Variants in MAB21L3 observed in about 807,000 individuals in gnomAD.
MAB21L3 encodes the protein mab-21 like 3.
In MAB21L3, 36 loss-of-function variants were observed where a neutral mutation model predicts 37.7. That is an observed-to-expected ratio of 0.96 (90% CI 0.73 to 1.26). The LOEUF (loss-of-function observed/expected upper bound fraction) is 1.26. MAB21L3 is among the 50% of genes most tolerant of loss of function. The probability of loss-of-function intolerance (pLI) is 0.00; values close to 1 mark genes in which losing one functional copy is unlikely to be tolerated. For synonymous variants in MAB21L3, 186 were observed against 176.8 expected (o/e 1.05, Z -0.41); for missense variants, 430 against 447.3 (o/e 0.96, Z 0.35).
At chr1:116,128,055 TC>T in intron 6 of MAB21L3, 89 bp from the exon 7 acceptor site, 1 of 1,381,410 alleles carries the variant, frequency 7.2e-7, no homozygotes, top group East Asian at 2.3e-5. Flanking sequence ...GGTGACAAGT[TC>T]CCCAGACCAG....
chr1:116,131,176 T>C (rs961656037), intron 7 of MAB21L3, among the ~76,000 whole-genome samples: 1 of 152,232 alleles, frequency 6.6e-6, no homozygotes, highest in African/African-American at 2.4e-5. Context: ...ATGATAAAAT[T>C]AATCACATAA....
rs1178905673 is a variant in MAB21L3, at chr1:116,137,649, C to A, written c.*4284C>A. On this transcript the variant is annotated 3_prime_UTR_variant, in exon 8 of 8. Transcript: ENST00000369500. ...GGTATATACCCAAAGGACTATAAAT[C>A]ATGCTGCTATAAAGACACATGCACA... Among the ~76,000 whole-genome samples the A allele has an allele frequency of 6.6e-6, 1 of 151,270 alleles. No individual in the cohort carries two copies. Among genetic ancestry groups the A allele is most frequent in the Non-Finnish European group, 1.5e-5 (1 of 67,946 alleles).
chr1:116,125,256 T>C lies in MAB21L3; in HGVS notation c.481+899T>C, dbSNP rs547051626. On this transcript the variant is annotated intron_variant, in intron 5 of 7. Transcript: ENST00000369500. ...AGAAGTGTAAATTGGTGTCTCCTTT[T>C]TAAAGGGCAAGTTGTCTATATTTTA... Among the ~76,000 whole-genome samples the C allele has an allele frequency of 2.3e-3, 345 of 152,346 alleles. 2 individuals carry two copies. Among genetic ancestry groups the C allele is most frequent in the African/African-American group, 8.1e-3 (338 of 41,576 alleles).
intron 7 of MAB21L3, among the ~76,000 whole-genome samples, chr1:116,129,362 G>T (rs761223782): frequency 2.6e-4 from 40 of 152,302 alleles, no homozygotes; most frequent in Middle Eastern, 6.8e-3. Flanking sequence ...GAGTAGGGAG[G>T]TAGGAGACTC....
chr1:116,116,577 T>C (rs911615308), intron 3 of MAB21L3, among the ~76,000 whole-genome samples: 10 of 152,140 alleles, frequency 6.6e-5, no homozygotes, highest in South Asian at 2.1e-4. Context: ...TTCTGGTACA[T>C]CAGTACTTAA....
At chr1:116,111,890 A>G (rs1267952595) in intron 2 of MAB21L3, 80 bp downstream of exon 2, 3 of 152,554 alleles carry the variant, frequency 2.0e-5, no homozygotes, top group Admixed American at 1.3e-4. Flanking sequence ...GTGCCTGTGT[A>G]TATGTGTGTG....
rs1056609893 is a variant in MAB21L3 at position 116,136,673 on chromosome 1, T to A, written c.*3308T>A. ...AAAGAGCCTGCATTGCCAAGTCAAT[T>A]CTAAGCCAAAAGAACAAAGCTGGAG... On this transcript the variant is annotated 3_prime_UTR_variant, in exon 8 of 8. Transcript: ENST00000369500. Among the ~76,000 whole-genome samples, 1 of 152,102 alleles carries A rather than the reference T, an allele frequency of 6.6e-6. No homozygotes were observed. The highest frequency in any genetic ancestry group is 1.5e-5 in the Non-Finnish European group (1 of 68,034).
At chr1:116,118,318 T>G (rs1013740681) in intron 3 of MAB21L3, among the ~76,000 whole-genome samples, 8 of 151,648 alleles carry the variant, frequency 5.3e-5, no homozygotes, top group Non-Finnish European at 8.8e-5. Context: ...GGAGGCAGAG[T>G]TTGCAGTGAG....
intron 3 of MAB21L3, 47 bp downstream of exon 3, chr1:116,112,710 C>A: frequency 6.3e-7 from 1 of 1,591,146 alleles, no homozygotes. Flanking sequence ...CCCATTCACA[C>A]TACTTCCAAA....
rs554260235 is a variant in MAB21L3, at chr1:116,129,995, T to C, written c.855+1656T>C. ...ATGGAGGGCATGTGCTTGCAGAAGA[T>C]ACTTTGATTCTTTCTGTGGATTTAG... On this transcript the variant is annotated intron_variant, in intron 7 of 7. Transcript: ENST00000369500. Among the ~76,000 whole-genome samples the C allele has an allele frequency of 3.9e-5, 6 of 152,324 alleles. No individual in the cohort carries two copies. In the South Asian group the frequency reaches 1.2e-3, roughly 32 times the overall value.
In MAB21L3 at chr1:116,129,856, C is replaced by T. The variant is rs189330308; in HGVS notation, c.855+1517C>T. Among the ~76,000 whole-genome samples the T allele has an allele frequency of 1.6e-4, 25 of 152,286 alleles. 1 individual carries two copies. Among genetic ancestry groups the T allele is most frequent in the Admixed American group, 1.1e-3 (17 of 15,290 alleles). ...CCAATAACCTGTCCATTTTGACCTG[C>T]GGAAGAATCTGTTAACATCTCATTC... On this transcript the variant is annotated intron_variant, in intron 7 of 7. Coordinates refer to ENST00000369500, the MANE Select transcript of MAB21L3 (RefSeq NM_152367.3).
At chr1:116,124,870 T>TACACACACACACAC (rs148469511) in intron 5 of MAB21L3, among the ~76,000 whole-genome samples, 17 of 140,382 alleles carry the variant, frequency 1.2e-4, no homozygotes, top group East Asian at 4.1e-4. Context: ...AGCATATGCA[T>TACACACACACACAC]ACACACACAC....
At chr1:116,126,901 T>C (rs748952213) in intron 5 of MAB21L3, among the ~76,000 whole-genome samples, 26 of 152,188 alleles carry the variant, frequency 1.7e-4, no homozygotes, top group Non-Finnish European at 2.6e-4. Flanking sequence ...TTCCATGAGA[T>C]ATTCAACACT....
intron 5 of MAB21L3, 99 bp from the exon 6 acceptor site, chr1:116,127,367 A>C: frequency 8.7e-7 from 1 of 1,154,578 alleles, no homozygotes; most frequent in South Asian, 1.5e-5. Flanking sequence ...ACCAGTTGCA[A>C]GGTGCTGGTC....
At chr1:116,123,887 G>A (rs1659820134) in intron 4 of MAB21L3, 179 bp from the exon 5 acceptor site, 2 of 586,986 alleles carry the variant, frequency 3.4e-6, no homozygotes, top group Non-Finnish European at 6.0e-6. Flanking sequence ...TGATTCAGTA[G>A]CAGAACAAAG....
rs1215967399 is a variant in MAB21L3 at position 116,137,801 on chromosome 1, T to G, written c.*4436T>G. The stretch of plus-strand genomic sequence containing the variant: ...TGGAATACTATGCAGCCATAAAAAA[T>G]GATGAGTTCATGTCCTTTGTAGGGA... On this transcript the variant is annotated 3_prime_UTR_variant, in exon 8 of 8. Coordinates refer to ENST00000369500, the MANE Select transcript of MAB21L3 (RefSeq NM_152367.3). 3.3e-5 allele frequency among the ~76,000 whole-genome samples: 5 copies of G among 151,690 alleles called. No individual in the cohort carries two copies. Among genetic ancestry groups the G allele is most frequent in the South Asian group, 2.1e-4 (1 of 4,810 alleles).
At position 116,135,594 on chromosome 1, in the gene MAB21L3, T is replaced by C. The variant is rs1043613458; in HGVS notation, c.*2229T>C. ...TTCCTTCTGAAACTATTCCAATCAATTGAAAAAGAGGGAATCCTCCCTAAC... is the reference window on the plus strand; with the variant it reads ...TTCCTTCTGAAACTATTCCAATCAACTGAAAAAGAGGGAATCCTCCCTAAC... On this transcript the variant is annotated 3_prime_UTR_variant, in exon 8 of 8. Coordinates refer to ENST00000369500, the MANE Select transcript of MAB21L3 (RefSeq NM_152367.3). Among the ~76,000 whole-genome samples the C allele has an allele frequency of 5.3e-5, 8 of 152,262 alleles. No homozygotes were observed. Among genetic ancestry groups the C allele is most frequent in the Non-Finnish European group, 1.0e-4 (7 of 68,026 alleles).
intron 3 of MAB21L3, among the ~76,000 whole-genome samples, chr1:116,114,467 A>G (rs1360406257): frequency 6.6e-6 from 1 of 152,192 alleles, no homozygotes; most frequent in Admixed American, 6.6e-5. Flanking sequence ...AACTTGTCCA[A>G]AGTTACACAG....
At chr1:116,133,057 A>C in intron 7 of MAB21L3, 75 bp from the exon 8 acceptor site, 1 of 1,236,290 alleles carries the variant, frequency 8.1e-7, no homozygotes. Flanking sequence ...AGGCCACATA[A>C]GCTCAATAAT....
Sources: gnomAD v4.1 joint callset for allele counts (sites outside exome capture counted in the v4.1 genomes callset) on GRCh38, gnomAD v4.1.1 for gene constraint, MANE v1.5 for transcripts, NCBI Gene and HGNC (gene_info 2026-07-23, HGNC 2026-07-21) for gene names.